PITPNB: variants seen among roughly 807,000 people sequenced by gnomAD.
The protein encoded by PITPNB is phosphatidylinositol transfer protein beta isoform.
A neutral mutation model predicts 45.9 loss-of-function variants in PITPNB; 16 were observed. That is an observed-to-expected ratio of 0.35 (90% CI 0.24 to 0.53). The LOEUF (loss-of-function observed/expected upper bound fraction) is 0.53. Among genes scored for constraint, PITPNB ranks in the 20% least tolerant of loss-of-function variants. The pLI is 0.93. For missense variants in PITPNB, 188 were observed against 330.5 expected (o/e 0.57, Z 3.34); for synonymous variants, 112 against 108.9 (o/e 1.03, Z -0.18).
At chr22:27,859,006 T>C (rs1265696736) in intron 9 of PITPNB, among the ~76,000 whole-genome samples, 2 of 152,214 alleles carry the variant, frequency 1.3e-5, no homozygotes, top group African/African-American at 4.8e-5. Context: ...CTACACAACA[T>C]GTTGCTGCCA....
At chr22:27,906,276 G>A (rs1304581678) in intron 3 of PITPNB, among the ~76,000 whole-genome samples, 1 of 152,166 alleles carries the variant, frequency 6.6e-6, no homozygotes, top group East Asian at 1.9e-4. Context: ...ACAGCCAAGG[G>A]TTTTTGTTCT....
chr22:27,900,315 T>C (rs1935557964), intron 3 of PITPNB, among the ~76,000 whole-genome samples: 1 of 152,278 alleles, frequency 6.6e-6, no homozygotes, highest in Non-Finnish European at 1.5e-5. Context: ...GTGCCTGATA[T>C]GTGAAGAACC....
rs540612502 is a variant in PITPNB at position 27,886,897 on chromosome 22, C to G, written c.456+7658G>C. ...ACCATTTAACTTTTTTTTTAATTAG[C>G]TCACTCAAGAAAAACCAGAAGTCAT... is the stretch of plus-strand genomic sequence containing the variant. On this transcript the variant is annotated intron_variant, in intron 7 of 11. Coordinates refer to ENST00000335272, the MANE Select transcript of PITPNB (RefSeq NM_012399.5). Among the ~76,000 whole-genome samples, 387 of 151,946 alleles carry G rather than the reference C, an allele frequency of 2.5e-3. 3 individuals carry two copies. The highest frequency in any genetic ancestry group is 0.017 in the Middle Eastern group (5 of 292).
At chr22:27,856,496 G>A (rs1934177690) in intron 10 of PITPNB, among the ~76,000 whole-genome samples, 1 of 152,216 alleles carries the variant, frequency 6.6e-6, no homozygotes, top group Admixed American at 6.5e-5. Flanking sequence ...AGAAGCAAGA[G>A]CACTTCCCTG....
Position 27,909,207 on chromosome 22 carries a change from CTT to C in PITPNB, c.197+1755_197+1756del, listed in dbSNP as rs34224616. Among the ~76,000 whole-genome samples the C allele has an allele frequency of 1.1e-4, 9 of 82,240 alleles. No individual in the cohort carries two copies. In the South Asian group the frequency reaches 2.2e-3, roughly 20 times the overall value. 54.0% of individuals were successfully genotyped at this position (82,240 alleles called of 152,430 possible). A position where few individuals can be genotyped will look rare whatever the true frequency, so the allele number is the denominator to read the frequency against. On this transcript the variant is annotated intron_variant, in intron 3 of 11. Transcript: ENST00000335272. ...TGCCCTTAGATAAATACTGGTAGTA[CTT>C]TTTTTTTTTTTTTTTTTTTTGGCTT... is the stretch of plus-strand genomic sequence containing the variant.
In PITPNB at chr22:27,885,212, TAAAAAAAAAAAAAAAAAAAAAAAAAA is replaced by T. The variant is rs71194746; in HGVS notation, c.456+9317_456+9342del. On this transcript the variant is annotated intron_variant, in intron 7 of 11. Coordinates refer to ENST00000335272, the MANE Select transcript of PITPNB (RefSeq NM_012399.5). Reference sequence around the variant, plus strand: ...AAAGAGCCAGATTCAAATTTATACCTAAAAAAAAAAAAAAAAAAAAAAAAAAAAAAAAAAAAAAAAGCAGAAGCAGA... The same window carrying T: ...AAAGAGCCAGATTCAAATTTATACCTAAAAAAAAAAAAAAGCAGAAGCAGA... 6.0e-4 allele frequency among the ~76,000 whole-genome samples: 18 copies of T among 30,192 alleles called. 1 individual carries two copies. Among genetic ancestry groups the T allele is most frequent in the African/African-American group, 1.4e-3 (13 of 9,038 alleles). The allele number at this position is 30,192 out of a possible 152,430, so 19.8% of individuals were successfully genotyped here. A position where few individuals can be genotyped will look rare whatever the true frequency, so the allele number is the denominator to read the frequency against.
At chr22:27,893,582 CTTTTTTTTTTTT>C (rs745878388) in intron 7 of PITPNB, among the ~76,000 whole-genome samples, 14 of 74,050 alleles carry the variant, frequency 1.9e-4, no homozygotes, top group Non-Finnish European at 2.7e-4. Context: ...CATGTCTAGC[CTTTTTTTTTTTT>C]TTTTTTTTTT....
At chr22:27,907,499 G>A (rs1308301441) in intron 3 of PITPNB, among the ~76,000 whole-genome samples, 1 of 152,080 alleles carries the variant, frequency 6.6e-6, no homozygotes, top group East Asian at 1.9e-4. Context: ...TTTATTATTG[G>A]TTAGGTTTTT....
intron 7 of PITPNB, among the ~76,000 whole-genome samples, chr22:27,879,917 C>T (rs1230459012): frequency 6.6e-6 from 1 of 151,882 alleles, no homozygotes; most frequent in African/African-American, 2.4e-5. Context: ...CCATTTAGTC[C>T]ATTAGCATTA....
chr22:27,870,127 C>A (rs144911516), intron 8 of PITPNB, among the ~76,000 whole-genome samples: 1 of 152,132 alleles, frequency 6.6e-6, no homozygotes, highest in Non-Finnish European at 1.5e-5. Flanking sequence ...TAACTACCAC[C>A]GAATCAGGTG....
At chr22:27,918,842 C>T (rs898782621) in intron 1 of PITPNB, among the ~76,000 whole-genome samples, 2 of 152,010 alleles carry the variant, frequency 1.3e-5, no homozygotes, top group African/African-American at 4.8e-5. Context: ...TGGGGGTGGG[C>T]CCAGACCCAG....
chr22:27,919,080 C>G, intron 1 of PITPNB, 92 bp downstream of exon 1: 3 of 1,603,552 alleles, frequency 1.9e-6, no homozygotes, highest in Middle Eastern at 1.7e-4. Flanking sequence ...ACAGGGCTGA[C>G]TCCGATTTAG....
In PITPNB at chr22:27,919,224, A is replaced by G; in HGVS notation, c.-33T>C. On this transcript the variant is annotated 5_prime_UTR_variant, in exon 1 of 12. Coordinates refer to ENST00000335272, the MANE Select transcript of PITPNB (RefSeq NM_012399.5). Reference sequence around the variant, plus strand: ...GAACCCCCTCACAGCTGCCGCCGATACCACCGCCGCCGCCGCCGCTACCGC... The same window carrying G: ...GAACCCCCTCACAGCTGCCGCCGATGCCACCGCCGCCGCCGCCGCTACCGC... 1 of 1,585,186 alleles carries G rather than the reference A, an allele frequency of 6.3e-7. No homozygotes were observed. Among genetic ancestry groups the G allele is most frequent in the African/African-American group, 1.3e-5 (1 of 74,290 alleles).
At chr22:27,875,285 T>C (rs988026366) in intron 7 of PITPNB, among the ~76,000 whole-genome samples, 3 of 152,376 alleles carry the variant, frequency 2.0e-5, no homozygotes, top group South Asian at 2.1e-4. Context: ...CTTTACAATA[T>C]GCAATGTGGC....
chr22:27,908,825 AATTG>A (rs1437990360), intron 3 of PITPNB, among the ~76,000 whole-genome samples: 5 of 152,212 alleles, frequency 3.3e-5, no homozygotes, highest in African/African-American at 1.2e-4. Flanking sequence ...CCTTATGGAT[AATTG>A]ATTGATCAGA....
intron 7 of PITPNB, among the ~76,000 whole-genome samples, chr22:27,883,942 GCCTCATGC>G (rs1232209707): frequency 6.6e-6 from 1 of 152,240 alleles, no homozygotes; most frequent in Non-Finnish European, 1.5e-5. Flanking sequence ...ATTATCAGCA[GCCTCATGC>G]TCCCACTTGG....
At chr22:27,857,568 G>A (rs1934208452) in intron 10 of PITPNB, among the ~76,000 whole-genome samples, 1 of 152,164 alleles carries the variant, frequency 6.6e-6, no homozygotes, top group East Asian at 1.9e-4. Flanking sequence ...CACCTGCAGG[G>A]CTTCCAAAAC....
chr22:27,899,260 C>T (rs1336782141), intron 3 of PITPNB, among the ~76,000 whole-genome samples: 2 of 152,214 alleles, frequency 1.3e-5, no homozygotes, highest in African/African-American at 4.8e-5. Context: ...TGCCTTTCTT[C>T]ATTTAAATCT....
chr22:27,853,762 T>C (rs1346701872), intron 11 of PITPNB, 99 bp from the exon 12 acceptor site: 2 of 864,660 alleles, frequency 2.3e-6, no homozygotes, highest in Admixed American at 4.1e-5. Context: ...ATCAAAACTT[T>C]TGGCAGAAAA....
Sources: gnomAD v4.1 joint callset for allele counts (sites outside exome capture counted in the v4.1 genomes callset) on GRCh38, gnomAD v4.1.1 for gene constraint, MANE v1.5 for transcripts, NCBI Gene and HGNC (gene_info 2026-07-23, HGNC 2026-07-21) for gene names.